MON2: variants seen among roughly 807,000 people sequenced by gnomAD.
MON2 encodes the protein protein MON2 homolog.
In MON2, 84 loss-of-function variants were observed where a neutral mutation model predicts 208.6. The ratio of observed to expected loss-of-function variants is 0.40; its 90% CI spans 0.34 to 0.48. MON2 has a LOEUF of 0.48. Among genes scored for constraint, MON2 ranks in the 20% least tolerant of loss-of-function variants. The pLI is 0.59. For synonymous variants in MON2, 660 were observed against 694.0 expected (o/e 0.95, Z 0.77); for missense variants, 1,611 against 2,015.4 (o/e 0.80, Z 3.84).
intron 25 of MON2, 111 bp from the exon 26 acceptor site, chr12:62,560,380 C>G: frequency 9.4e-7 from 1 of 1,069,004 alleles, no homozygotes; most frequent in Admixed American, 2.4e-5. Flanking sequence ...TTTTCCAGTT[C>G]TGTAGGATTT....
In MON2 at chr12:62,484,150, A is replaced by G. The variant is rs965342297; in HGVS notation, c.112-20A>G. ...ATTTTGGCAGTAAATTTTGTGTTCTAATTATTTTTATTCTTGCAGGCTGCT... is the reference window on the plus strand; with the variant it reads ...ATTTTGGCAGTAAATTTTGTGTTCTGATTATTTTTATTCTTGCAGGCTGCT... On this transcript the variant is annotated intron_variant, in intron 1 of 34. Transcript: ENST00000393630. 9 of 1,555,750 alleles carry G rather than the reference A, an allele frequency of 5.8e-6. No homozygotes were observed. The highest frequency in any genetic ancestry group is 7.0e-6 in the Non-Finnish European group (8 of 1,138,924).
chr12:62,586,189 A>G (rs1231792721), intron 33 of MON2, among the ~76,000 whole-genome samples: 2 of 152,250 alleles, frequency 1.3e-5, no homozygotes, highest in Non-Finnish European at 2.9e-5. Flanking sequence ...TGAAGCAAAC[A>G]GAAAATAACA....
chr12:62,592,442 A>G (rs1293788441), intron 34 of MON2, 144 bp from the exon 35 acceptor site: 4 of 614,294 alleles, frequency 6.5e-6, no homozygotes, highest in African/African-American at 1.8e-5. Context: ...TTGAAAAATT[A>G]AAAAGATAAA....
intron 25 of MON2, 86 bp downstream of exon 25, chr12:62,556,278 T>A (rs2073962340): frequency 2.4e-6 from 3 of 1,265,652 alleles, no homozygotes; most frequent in Non-Finnish European, 3.3e-6. Context: ...AGAGTCTATC[T>A]TAACTTAGTC....
intron 1 of MON2, among the ~76,000 whole-genome samples, chr12:62,470,146 A>G (rs1177119270): frequency 3.3e-5 from 5 of 152,048 alleles, no homozygotes; most frequent in East Asian, 1.9e-4. Context: ...CGATTAGGCA[A>G]TCTGTCCACC....
chr12:62,570,827 G>C (rs112723799), intron 29 of MON2, among the ~76,000 whole-genome samples: 4 of 147,514 alleles, frequency 2.7e-5, no homozygotes, highest in Non-Finnish European at 5.9e-5. Context: ...CTGCCTCCCG[G>C]GTTCAAGCGA....
At chr12:62,480,682 T>C (rs1422942879) in intron 1 of MON2, among the ~76,000 whole-genome samples, 1 of 152,244 alleles carries the variant, frequency 6.6e-6, no homozygotes, top group African/African-American at 2.4e-5. Flanking sequence ...AAATCAGGAC[T>C]ATGGCGAATT....
chr12:62,508,722 G>A (rs1023771453), intron 8 of MON2: 13 of 403,812 alleles, frequency 3.2e-5, no homozygotes, highest in Non-Finnish European at 5.7e-5. Context: ...GCCAGCATAG[G>A]AATTGTCGTT....
intron 32 of MON2, among the ~76,000 whole-genome samples, chr12:62,582,707 GT>G (rs1213690310): frequency 2.0e-5 from 3 of 147,532 alleles, no homozygotes; most frequent in Non-Finnish European, 4.5e-5. Context: ...GAAAAATAAA[GT>G]TTGTAGTTTT....
intron 34 of MON2, among the ~76,000 whole-genome samples, chr12:62,590,094 G>A (rs916422899): frequency 2.6e-5 from 4 of 151,948 alleles, no homozygotes; most frequent in Admixed American, 2.6e-4. Context: ...AGATTTTTTG[G>A]TTTTTGTCTT....
chr12:62,585,679 ATGTTT>A, intron 33 of MON2, 178 bp downstream of exon 33: 1 of 495,666 alleles, frequency 2.0e-6, no homozygotes, highest in African/African-American at 1.9e-5. Flanking sequence ...ATATATTAAC[ATGTTT>A]TGTTATGGGG....
intron 21 of MON2, among the ~76,000 whole-genome samples, chr12:62,546,610 C>T (rs1272541175): frequency 2.0e-5 from 3 of 151,922 alleles, no homozygotes; most frequent in Admixed American, 6.6e-5. Context: ...AAAGATTAGC[C>T]GGGCATGGTG....
chr12:62,535,657 T>C lies in MON2; in HGVS notation c.1848T>C (p.His616=). The stretch of plus-strand genomic sequence containing the variant: ...TATGCAAAGGTTCCCTGCCTCCCCA[T>C]TATGCTCTTACTGTATTGAATACCA... ...TAICKGSLPP[H]YALTVLNTTT... The change falls in exon 14 of 35, where the codon CAT becomes CAC. Residue 616 remains histidine, a synonymous_variant. Transcript: ENST00000393630. 4 of 1,613,634 alleles carry C rather than the reference T, an allele frequency of 2.5e-6. No individual in the cohort carries two copies. The highest frequency in any genetic ancestry group is 1.3e-5 in the African/African-American group (1 of 74,978).
At chr12:62,508,777 G>T in intron 8 of MON2, 2 of 269,766 alleles carry the variant, frequency 7.4e-6, no homozygotes, top group South Asian at 7.6e-5. Context: ...TCATTTGAAG[G>T]ATTATTAAAA....
intron 33 of MON2, among the ~76,000 whole-genome samples, chr12:62,586,012 A>T (rs978752556): frequency 6.6e-6 from 1 of 152,166 alleles, no homozygotes; most frequent in African/African-American, 2.4e-5. Context: ...TTTATTTCTC[A>T]TCTGTTCAGC....
chr12:62,477,279 A>G (rs149180217), intron 1 of MON2, among the ~76,000 whole-genome samples: 157 of 152,250 alleles, frequency 1.0e-3, no homozygotes, highest in African/African-American at 3.7e-3. Flanking sequence ...ATCTATACAT[A>G]GTTTTGAGTG....
At chr12:62,555,875 G>T in intron 24 of MON2, 119 bp from the exon 25 acceptor site, 6 of 688,306 alleles carry the variant, frequency 8.7e-6, no homozygotes, top group Non-Finnish European at 1.2e-5. Flanking sequence ...TATAGGGATT[G>T]ATAAGACTGT....
chr12:62,466,943 C>A lies in MON2; in HGVS notation c.-265C>A. On this transcript the variant is annotated 5_prime_UTR_variant, in exon 1 of 35. Coordinates refer to ENST00000393630, the MANE Select transcript of MON2 (RefSeq NM_015026.3). ...GGCCCCGCGGCAGCGGAGGGACCTG[C>A]CCGCCTTGTGGGTTTCTCGGCCAGA... 1 of 513,156 alleles carries A rather than the reference C, an allele frequency of 1.9e-6. No homozygotes were observed. The highest frequency in any genetic ancestry group is 3.3e-5 in the East Asian group (1 of 30,184). 31.8% of individuals were successfully genotyped at this position (513,156 alleles called of 1,614,324 possible). A position where few individuals can be genotyped will look rare whatever the true frequency, so the allele number is the denominator to read the frequency against.
chr12:62,597,742 G>A lies in MON2; in HGVS notation c.*4993G>A, dbSNP rs1218285122. ...ATTATATATCTTTTCTCAAAGTAAA[G>A]TATTTAAAACCTGTTTAAATGAGGG... On this transcript the variant is annotated 3_prime_UTR_variant, in exon 35 of 35. Coordinates refer to ENST00000393630, the MANE Select transcript of MON2 (RefSeq NM_015026.3). 2.0e-5 allele frequency: 3 copies of A among 152,118 alleles called. No individual in the cohort carries two copies. Among genetic ancestry groups the A allele is most frequent in the Non-Finnish European group, 4.4e-5 (3 of 68,026 alleles). The allele number at this position is 152,118 out of a possible 1,614,324, so 9.4% of individuals were successfully genotyped here.
Sources: gnomAD v4.1 joint callset for allele counts (sites outside exome capture counted in the v4.1 genomes callset) on GRCh38, gnomAD v4.1.1 for gene constraint, MANE v1.5 for transcripts, NCBI Gene and HGNC (gene_info 2026-07-23, HGNC 2026-07-21) for gene names.